The following MCTP1 variants were observed in gnomAD, a reference collection of about 807,000 sequenced individuals.
MCTP1 encodes multiple C2 and transmembrane domain-containing protein 1.
A neutral mutation model predicts 120.6 loss-of-function variants in MCTP1; 69 were observed. That is an observed-to-expected ratio of 0.57 (90% CI 0.47 to 0.70). The LOEUF is 0.70. Among genes scored for constraint, MCTP1 ranks in the 30% least tolerant of loss-of-function variants. The pLI is 0.00. For synonymous variants in MCTP1, 529 were observed against 493.1 expected (o/e 1.07, Z -0.96); for missense variants, 1,203 against 1,248.8 (o/e 0.96, Z 0.55).
At chr5:94,813,138 C>T (rs372780562) in intron 17 of MCTP1, among the ~76,000 whole-genome samples, 6 of 152,060 alleles carry the variant, frequency 3.9e-5, no homozygotes, top group South Asian at 2.1e-4. Context: ...ACAAAAACCC[C>T]GTTTAAACAA....
chr5:94,733,388 A>T (rs1039312997), intron 19 of MCTP1, among the ~76,000 whole-genome samples: 11 of 152,220 alleles, frequency 7.2e-5, no homozygotes, highest in African/African-American at 2.7e-4. Flanking sequence ...TCAATACAGG[A>T]TTTCCATCAT....
chr5:94,723,065 T>C (rs1761274324), intron 19 of MCTP1, among the ~76,000 whole-genome samples: 1 of 152,078 alleles, frequency 6.6e-6, no homozygotes, highest in African/African-American at 2.4e-5. Flanking sequence ...CTTTTTCAGA[T>C]ATAAAAAAAA....
chr5:94,894,740 G>A lies in MCTP1; in HGVS notation c.1748C>T (p.Thr583Ile). The A allele has an allele frequency of 6.2e-7, 1 of 1,613,698 alleles. No homozygotes were observed. Among genetic ancestry groups the A allele is most frequent in the South Asian group, 1.1e-5 (1 of 91,032 alleles). The change falls in exon 11 of 23, where the codon ACT becomes ATT. Residue 583 changes from threonine (T) to isoleucine (I), a missense_variant. Coordinates refer to ENST00000515393, the MANE Select transcript of MCTP1 (RefSeq NM_024717.7). ...EGEGHLVLLVTLTASATVSIS... is the reference protein window; with the variant it reads ...EGEGHLVLLVILTASATVSIS... ...GCTGACTGTGGCTGATGCTGTCAGA[G>A]TGACCAGCAGCACCAGGTGTCCCTC...
chr5:95,119,126 T>C (rs1758023803), intron 1 of MCTP1, among the ~76,000 whole-genome samples: 2 of 152,186 alleles, frequency 1.3e-5, no homozygotes, highest in South Asian at 4.1e-4. Flanking sequence ...AGACAGACCA[T>C]ATGTTAGGTC....
chr5:94,869,545 C>T (rs1306874002), intron 16 of MCTP1, among the ~76,000 whole-genome samples: 1 of 151,946 alleles, frequency 6.6e-6, no homozygotes, highest in Non-Finnish European at 1.5e-5. Context: ...TTAGATATTG[C>T]ATTTGTAACT....
chr5:95,074,717 T>C (rs1372660634), intron 1 of MCTP1, among the ~76,000 whole-genome samples: 1 of 152,160 alleles, frequency 6.6e-6, no homozygotes, highest in Non-Finnish European at 1.5e-5. Flanking sequence ...AGGTAGAATC[T>C]ATGGTTCTAC....
At chr5:95,005,709 A>C (rs1381526681) in intron 2 of MCTP1, among the ~76,000 whole-genome samples, 1 of 151,746 alleles carries the variant, frequency 6.6e-6, no homozygotes, top group East Asian at 1.9e-4. Context: ...AGGCCTCCTC[A>C]GAAAGAGAAC....
chr5:95,150,519 T>G (rs1023577943), intron 1 of MCTP1, among the ~76,000 whole-genome samples: 2 of 152,324 alleles, frequency 1.3e-5, no homozygotes, highest in South Asian at 4.1e-4. Context: ...CATTAGCAGT[T>G]TTATCTAGTT....
At chr5:94,848,271 GA>G (rs1008443387) in intron 17 of MCTP1, among the ~76,000 whole-genome samples, 3 of 151,848 alleles carry the variant, frequency 2.0e-5, no homozygotes, top group African/African-American at 7.3e-5. Context: ...AAGAAATAAA[GA>G]AGCGTCTTTC....
chr5:94,873,563 G>A (rs1798225346), intron 12 of MCTP1, among the ~76,000 whole-genome samples: 1 of 151,942 alleles, frequency 6.6e-6, no homozygotes, highest in East Asian at 1.9e-4. Flanking sequence ...TGTGATGCAT[G>A]TCCATCCCTA....
chr5:94,963,038 GC>G (rs2153560768), intron 2 of MCTP1, among the ~76,000 whole-genome samples: 1 of 152,224 alleles, frequency 6.6e-6, no homozygotes, highest in South Asian at 2.1e-4. Flanking sequence ...GTTCCCTTGA[GC>G]CCTTTTGTAA....
At chr5:95,045,145 C>T (rs1446820318) in intron 1 of MCTP1, among the ~76,000 whole-genome samples, 5 of 152,108 alleles carry the variant, frequency 3.3e-5, no homozygotes, top group Admixed American at 2.0e-4. Flanking sequence ...AACTCTTGTC[C>T]ACTAGGAACT....
At chr5:94,785,722 A>G (rs1282551302) in intron 18 of MCTP1, among the ~76,000 whole-genome samples, 3 of 152,110 alleles carry the variant, frequency 2.0e-5, no homozygotes, top group East Asian at 1.9e-4. Context: ...ATAATTTTAA[A>G]TGTTTCAAAC....
intron 1 of MCTP1, among the ~76,000 whole-genome samples, chr5:95,077,714 C>T (rs991949830): frequency 6.6e-5 from 10 of 152,164 alleles, no homozygotes; most frequent in East Asian, 1.9e-4. Context: ...CCTCGTGATC[C>T]GCCCACCTCG....
chr5:94,982,884 C>CAAAAAAAAAGAAAAAAAAA (rs1829729341), intron 2 of MCTP1, among the ~76,000 whole-genome samples: 1 of 28,596 alleles, frequency 3.5e-5, no homozygotes, highest in Non-Finnish European at 8.3e-5. Context: ...CACACTTCAT[C>CAAAAAAAAAGAAAAAAAAA]AAAAAAAAAA....
chr5:95,252,182 A>G (rs988719006), intron 1 of MCTP1, among the ~76,000 whole-genome samples: 9 of 152,148 alleles, frequency 5.9e-5, no homozygotes, highest in Non-Finnish European at 8.8e-5. Context: ...TGCACAGTTC[A>G]TCCTAAATTA....
chr5:95,121,401 A>T (rs2152408248), intron 1 of MCTP1, among the ~76,000 whole-genome samples: 1 of 152,120 alleles, frequency 6.6e-6, no homozygotes, highest in East Asian at 1.9e-4. Flanking sequence ...TTCCATTTAC[A>T]ATAACCACAA....
chr5:94,735,775 G>A (rs1209487460), intron 19 of MCTP1, among the ~76,000 whole-genome samples: 1 of 115,228 alleles, frequency 8.7e-6, no homozygotes, highest in African/African-American at 3.4e-5. Flanking sequence ...CACCAAAATT[G>A]CTACACTAAA....
chr5:95,019,983 GCTTTT>G (rs1347388911), intron 1 of MCTP1, among the ~76,000 whole-genome samples: 2 of 152,042 alleles, frequency 1.3e-5, no homozygotes, highest in African/African-American at 2.4e-5. Flanking sequence ...TGTGTTTCAA[GCTTTT>G]CATTAGGTTC....
Sources: gnomAD v4.1 joint callset for allele counts (sites outside exome capture counted in the v4.1 genomes callset) on GRCh38, gnomAD v4.1.1 for gene constraint, MANE v1.5 for transcripts, NCBI Gene and HGNC (gene_info 2026-07-23, HGNC 2026-07-21) for gene names.